The following GRM5 variants were observed in gnomAD, a reference collection of about 807,000 sequenced individuals.
The protein encoded by GRM5 is metabotropic glutamate receptor 5.
Under a neutral mutation model 83.1 loss-of-function variants are expected in GRM5, and 19 were observed. That is an observed-to-expected ratio of 0.23 (90% confidence interval 0.16 to 0.34). GRM5 has a LOEUF of 0.34. Ranked by LOEUF, GRM5 falls within the 10% of genes least tolerant of loss-of-function variation. The pLI is 1.00. For synonymous variants in GRM5, 675 were observed against 633.6 expected (o/e 1.07, Z -0.98); for missense variants, 1,160 against 1,588.3 (o/e 0.73, Z 4.58).
chr11:88,749,488 G>A (rs1256672044), intron 3 of GRM5, among the ~76,000 whole-genome samples: 1 of 152,120 alleles, frequency 6.6e-6, no homozygotes, highest in Non-Finnish European at 1.5e-5. Context: ...AAAAGAGGTG[G>A]GGAAAGTGGA....
chr11:88,935,589 A>G (rs1164622171), intron 2 of GRM5, among the ~76,000 whole-genome samples: 1 of 151,902 alleles, frequency 6.6e-6, no homozygotes, highest in Non-Finnish European at 1.5e-5. Flanking sequence ...AACTTCCCCC[A>G]TTAGGAAGAG....
chr11:88,561,640 C>T (rs1417359269), intron 8 of GRM5, among the ~76,000 whole-genome samples: 1 of 152,104 alleles, frequency 6.6e-6, no homozygotes, highest in East Asian at 1.9e-4. Context: ...GCATTATCTG[C>T]TTGACAATGA....
chr11:88,560,707 T>TAA lies in GRM5; in HGVS notation c.2630+6344_2630+6345dup, dbSNP rs552203304. The stretch of plus-strand genomic sequence containing the variant: ...ACCTGTCCTTCTGTGTGCTCTTTAT[T>TAA]AATCACTGCATGGCAAGCACTGTGC... On this transcript the variant is annotated intron_variant, in intron 8 of 9. Transcript: ENST00000305447. 5.7e-4 allele frequency among the ~76,000 whole-genome samples: 87 copies of TAA among 152,282 alleles called. No homozygotes were observed. The East Asian group carries it at 0.016, about 28-fold the overall frequency.
chr11:88,825,594 C>A (rs1943882662), intron 3 of GRM5, among the ~76,000 whole-genome samples: 1 of 152,196 alleles, frequency 6.6e-6, no homozygotes, highest in South Asian at 2.1e-4. Context: ...ATTGACAACA[C>A]AAATCACAAG....
chr11:88,738,545 T>C (rs901368811), intron 3 of GRM5, among the ~76,000 whole-genome samples: 1 of 152,106 alleles, frequency 6.6e-6, no homozygotes, highest in Non-Finnish European at 1.5e-5. Context: ...CATTTAAACA[T>C]GAACAACTAT....
intron 3 of GRM5, among the ~76,000 whole-genome samples, chr11:88,711,099 T>C (rs1463841069): frequency 6.6e-6 from 1 of 152,068 alleles, no homozygotes; most frequent in Non-Finnish European, 1.5e-5. Flanking sequence ...TGGGGCCTAC[T>C]TACCAGACCT....
intron 2 of GRM5, among the ~76,000 whole-genome samples, chr11:88,973,588 C>T (rs552300949): frequency 1.3e-5 from 2 of 152,250 alleles, no homozygotes; most frequent in East Asian, 1.9e-4. Context: ...AGGAACAGAT[C>T]TCTCTCTGGA....
At chr11:88,997,698 T>C (rs1408830951) in intron 2 of GRM5, among the ~76,000 whole-genome samples, 2 of 152,008 alleles carry the variant, frequency 1.3e-5, no homozygotes, top group Admixed American at 6.6e-5. Flanking sequence ...CTTGAAAACT[T>C]TGAGGAAATT....
chr11:88,893,318 C>CAGTT (rs1446710914), intron 2 of GRM5, among the ~76,000 whole-genome samples: 1 of 151,762 alleles, frequency 6.6e-6, no homozygotes, highest in Non-Finnish European at 1.5e-5. Context: ...CTAAAGAGAA[C>CAGTT]AGTTGGTTGT....
At chr11:89,048,352 G>A (rs1208453560) in intron 1 of GRM5, among the ~76,000 whole-genome samples, 1 of 152,116 alleles carries the variant, frequency 6.6e-6, no homozygotes, top group Non-Finnish European at 1.5e-5. Flanking sequence ...GAACTGTATT[G>A]TAATCTCAGG....
At chr11:88,742,879 G>C (rs1392167874) in intron 3 of GRM5, among the ~76,000 whole-genome samples, 1 of 152,008 alleles carries the variant, frequency 6.6e-6, no homozygotes, top group African/African-American at 2.4e-5. Flanking sequence ...TACCATCTAA[G>C]ACCCCCTACC....
At chr11:88,599,882 A>G (rs1173484524) in intron 5 of GRM5, among the ~76,000 whole-genome samples, 3 of 152,098 alleles carry the variant, frequency 2.0e-5, no homozygotes, top group East Asian at 3.9e-4. Context: ...GCGTGGTGGC[A>G]GGCGCCTGTA....
At chr11:88,769,488 T>G (rs1301807220) in intron 3 of GRM5, among the ~76,000 whole-genome samples, 1 of 152,038 alleles carries the variant, frequency 6.6e-6, no homozygotes, top group East Asian at 1.9e-4. Flanking sequence ...AAGTAACCAG[T>G]GTTGCTTGGA....
chr11:88,580,509 C>T (rs3913664), intron 7 of GRM5, among the ~76,000 whole-genome samples: 11,897 of 151,904 alleles, frequency 0.078, 497 homozygotes, highest in Middle Eastern at 0.13. Flanking sequence ...TTTATTTTGC[C>T]AGTGAGGAAA....
chr11:88,763,980 C>A (rs958237445), intron 3 of GRM5, among the ~76,000 whole-genome samples: 2 of 151,478 alleles, frequency 1.3e-5, no homozygotes, highest in East Asian at 1.9e-4. Flanking sequence ...CAGAGACCCA[C>A]TGAGATTCAA....
At chr11:88,513,095 T>C (rs1211654993) in intron 9 of GRM5, among the ~76,000 whole-genome samples, 2 of 152,206 alleles carry the variant, frequency 1.3e-5, no homozygotes, top group South Asian at 2.1e-4. Flanking sequence ...GTATCCTCTT[T>C]TTTTCTTATT....
intron 2 of GRM5, among the ~76,000 whole-genome samples, chr11:88,896,462 C>A (rs773007983): frequency 6.6e-6 from 1 of 151,122 alleles, no homozygotes; most frequent in Non-Finnish European, 1.5e-5. Context: ...TAGGGTTCAA[C>A]AGAGAATCAG....
intron 7 of GRM5, among the ~76,000 whole-genome samples, chr11:88,588,306 T>C (rs1036784543): frequency 1.2e-4 from 18 of 152,188 alleles, no homozygotes; most frequent in African/African-American, 4.3e-4. Context: ...ATTTTTGTTG[T>C]TAAAAGCACC....
At chr11:88,704,986 A>G (rs1482497672) in intron 3 of GRM5, among the ~76,000 whole-genome samples, 1 of 151,886 alleles carries the variant, frequency 6.6e-6, no homozygotes, top group Admixed American at 6.6e-5. Flanking sequence ...CTCTTATTTT[A>G]TCTCACCATC....
Sources: gnomAD v4.1 joint callset for allele counts (sites outside exome capture counted in the v4.1 genomes callset) on GRCh38, gnomAD v4.1.1 for gene constraint, MANE v1.5 for transcripts, NCBI Gene and HGNC (gene_info 2026-07-23, HGNC 2026-07-21) for gene names.